MACROD2: variants seen among roughly 807,000 people sequenced by gnomAD.
MACROD2 encodes ADP-ribose glycohydrolase MACROD2.
Under a neutral mutation model 70.4 loss-of-function variants are expected in MACROD2, and 36 were observed. That is an observed-to-expected ratio of 0.51 (90% CI 0.39 to 0.68). MACROD2 has a LOEUF of 0.68. Ranked by LOEUF, MACROD2 falls within the 30% of genes least tolerant of loss-of-function variation. The probability of loss-of-function intolerance (pLI) is 0.00; values close to 1 mark genes in which losing one functional copy is unlikely to be tolerated. For synonymous variants in MACROD2, 172 were observed against 178.8 expected (o/e 0.96, Z 0.30); for missense variants, 496 against 538.4 (o/e 0.92, Z 0.78).
chr20:14,546,111 G>T (rs2123246410), intron 4 of MACROD2, among the ~76,000 whole-genome samples: 2 of 152,248 alleles, frequency 1.3e-5, no homozygotes, highest in Middle Eastern at 3.4e-3. Context: ...CAGGGAATCA[G>T]GTCTCCCTAT....
At chr20:16,000,194 T>C (rs984368546) in intron 15 of MACROD2, among the ~76,000 whole-genome samples, 1 of 152,204 alleles carries the variant, frequency 6.6e-6, no homozygotes, top group Non-Finnish European at 1.5e-5. Context: ...TAAAGCCCAA[T>C]GTTACCCTGA....
chr20:14,335,496 T>A (rs1236556550), intron 3 of MACROD2, among the ~76,000 whole-genome samples: 1 of 152,212 alleles, frequency 6.6e-6, no homozygotes, highest in African/African-American at 2.4e-5. Context: ...GCTGCCACAT[T>A]TAGTTATGAC....
chr20:15,962,089 G>T (rs1217139810), intron 12 of MACROD2, among the ~76,000 whole-genome samples: 1 of 152,294 alleles, frequency 6.6e-6, no homozygotes, highest in East Asian at 1.9e-4. Context: ...ACATTATGAT[G>T]ATTCTTTGTT....
rs767313401 is a variant in MACROD2 at position 15,499,859 on chromosome 20, G to A, written c.645+12G>A. Reference sequence around the variant, plus strand: ...AGAATCACCATGAGGTAGGAGGAACGACATAATCAGTGAACATCCAAGATG... The same window carrying A: ...AGAATCACCATGAGGTAGGAGGAACAACATAATCAGTGAACATCCAAGATG... On this transcript the variant is annotated intron_variant, in intron 8 of 17. Coordinates refer to ENST00000684519, the MANE Select transcript of MACROD2 (RefSeq NM_001351661.2). 1.8e-5 allele frequency: 29 copies of A among 1,610,648 alleles called. No homozygotes were observed. Among genetic ancestry groups the A allele is most frequent in the Non-Finnish European group, 2.5e-5 (29 of 1,177,160 alleles).
intron 4 of MACROD2, among the ~76,000 whole-genome samples, chr20:14,643,191 CT>C (rs1985189769): frequency 6.6e-6 from 1 of 152,138 alleles, no homozygotes. Flanking sequence ...TCATATCCCC[CT>C]CCATCCATTT....
At chr20:14,153,765 C>T (rs2148712763) in intron 3 of MACROD2, among the ~76,000 whole-genome samples, 1 of 152,272 alleles carries the variant, frequency 6.6e-6, no homozygotes, top group East Asian at 1.9e-4. Flanking sequence ...AAGACATTCA[C>T]CACGCCATTT....
At chr20:14,424,082 T>C (rs2122904696) in intron 3 of MACROD2, among the ~76,000 whole-genome samples, 1 of 152,238 alleles carries the variant, frequency 6.6e-6, no homozygotes, top group South Asian at 2.1e-4. Flanking sequence ...TTTTAATGTG[T>C]CTAAATTTTT....
intron 2 of MACROD2, among the ~76,000 whole-genome samples, chr20:14,016,985 T>C (rs1403629894): frequency 6.6e-6 from 1 of 152,182 alleles, no homozygotes; most frequent in East Asian, 1.9e-4. Flanking sequence ...GAACATGCGA[T>C]GTCTTTCTAC....
At chr20:15,530,519 T>C (rs2047781986) in intron 8 of MACROD2, among the ~76,000 whole-genome samples, 1 of 151,360 alleles carries the variant, frequency 6.6e-6, no homozygotes, top group Non-Finnish European at 1.5e-5. Context: ...GATCACGAGG[T>C]TAGGAAATCG....
At chr20:14,351,453 A>C (rs2083122438) in intron 3 of MACROD2, among the ~76,000 whole-genome samples, 1 of 151,822 alleles carries the variant, frequency 6.6e-6, no homozygotes, top group South Asian at 2.1e-4. Context: ...AATTGTACAG[A>C]TCTTTCACTT....
chr20:14,168,969 A>G (rs2081195063), intron 3 of MACROD2, among the ~76,000 whole-genome samples: 1 of 152,248 alleles, frequency 6.6e-6, no homozygotes, highest in African/African-American at 2.4e-5. Context: ...AATACTAGCT[A>G]ACCAACTTCA....
At chr20:15,022,114 T>C (rs2075191858) in intron 5 of MACROD2, among the ~76,000 whole-genome samples, 1 of 152,176 alleles carries the variant, frequency 6.6e-6, no homozygotes, top group South Asian at 2.1e-4. Context: ...TCCTTTCTAA[T>C]ATTTTTTGGT....
intron 5 of MACROD2, among the ~76,000 whole-genome samples, chr20:14,750,766 A>G (rs1051682698): frequency 2.6e-5 from 4 of 152,054 alleles, no homozygotes; most frequent in African/African-American, 9.7e-5. Context: ...GCCGTAACCA[A>G]TTATTTTAAT....
chr20:15,470,283 C>T (rs2046948080), intron 7 of MACROD2, among the ~76,000 whole-genome samples: 1 of 152,048 alleles, frequency 6.6e-6, no homozygotes, highest in African/African-American at 2.4e-5. Context: ...TCTCCTGACC[C>T]CATGATCTGC....
intron 4 of MACROD2, among the ~76,000 whole-genome samples, chr20:14,644,488 T>C (rs974498315): frequency 6.6e-6 from 1 of 152,228 alleles, no homozygotes. Flanking sequence ...CACTTCTTAT[T>C]TGCAGATTAT....
Position 15,987,160 on chromosome 20 carries a change from T to C in MACROD2, c.1153+2T>C, listed in dbSNP as rs199980898. 6.2e-7 allele frequency: 1 copy of C among 1,604,810 alleles called. No individual in the cohort carries two copies. The highest frequency in any genetic ancestry group is 2.2e-5 in the East Asian group (1 of 44,734). On this transcript the variant is annotated splice_donor_variant, in intron 15 of 17. Transcript: ENST00000684519. LOFTEE classifies it high-confidence loss of function. ...AAGAAGAAAAAGAAGGTGAAAAAGGTAGGACTGCTCTTAAATTAACCCATC... is the reference window on the plus strand; with the variant it reads ...AAGAAGAAAAAGAAGGTGAAAAAGGCAGGACTGCTCTTAAATTAACCCATC...
At chr20:14,008,779 G>A (rs1489707963) in intron 2 of MACROD2, among the ~76,000 whole-genome samples, 1 of 152,130 alleles carries the variant, frequency 6.6e-6, no homozygotes, top group Non-Finnish European at 1.5e-5. Flanking sequence ...ACATAGACCA[G>A]TGGAACAGAA....
chr20:14,772,976 A>G, intron 5 of MACROD2, among the ~76,000 whole-genome samples: 1 of 152,054 alleles, frequency 6.6e-6, no homozygotes, highest in East Asian at 1.9e-4. Context: ...CGAGGTCAGT[A>G]TGATTCTCCT....
chr20:15,678,515 A>G (rs548385182), intron 8 of MACROD2, among the ~76,000 whole-genome samples: 67 of 152,104 alleles, frequency 4.4e-4, no homozygotes, highest in Non-Finnish European at 7.7e-4. Flanking sequence ...GCCCGCCACC[A>G]TGCCTGGCTA....
Sources: allele counts gnomAD v4.1 joint callset (sites outside exome capture counted in the v4.1 genomes callset), GRCh38; gene constraint gnomAD v4.1.1; transcripts MANE v1.5; gene names NCBI Gene and HGNC (gene_info 2026-07-23, HGNC 2026-07-21).